BTG4: variants seen among roughly 807,000 people sequenced by gnomAD.
BTG4 encodes protein BTG4.
A neutral mutation model predicts 19.3 loss-of-function variants in BTG4; 10 were observed. The observed-to-expected ratio is 0.52, with a 90% CI of 0.32 to 0.88. The LOEUF (loss-of-function observed/expected upper bound fraction) is 0.88. Ranked by LOEUF, BTG4 falls within the 40% of genes least tolerant of loss-of-function variation. BTG4 has a pLI of 0.04. For missense variants in BTG4, 238 were observed against 281.9 expected (o/e 0.84, Z 1.11); for synonymous variants, 91 against 95.7 (o/e 0.95, Z 0.29).
chr11:111,395,395 C>T, the BTG4 span, among the ~76,000 whole-genome samples: 10 of 152,322 alleles, frequency 6.6e-5, no homozygotes, highest in East Asian at 1.9e-4. Context: ...TCCCTGCTCC[C>T]GGCAACCCCA....
At chr11:111,501,392 T>C (rs1866071484) in intron 1 of BTG4, among the ~76,000 whole-genome samples, 1 of 152,010 alleles carries the variant, frequency 6.6e-6, no homozygotes, top group Admixed American at 6.6e-5. Flanking sequence ...AAAAAACCTT[T>C]CACTAGTGAA....
the BTG4 span, among the ~76,000 whole-genome samples, chr11:111,440,939 A>G: frequency 1.3e-5 from 2 of 152,264 alleles, no homozygotes; most frequent in African/African-American, 4.8e-5. Context: ...TTAGGTACTG[A>G]GTCACATCAA....
At chr11:111,400,011 G>A in the BTG4 span, among the ~76,000 whole-genome samples, 1 of 152,132 alleles carries the variant, frequency 6.6e-6, no homozygotes, top group Non-Finnish European at 1.5e-5. Context: ...AAGCCGGGAT[G>A]GGTGAGGGTG....
chr11:111,409,234 C>T, the BTG4 span, among the ~76,000 whole-genome samples: 1 of 152,074 alleles, frequency 6.6e-6, no homozygotes, highest in Non-Finnish European at 1.5e-5. Context: ...AAGGAGCTGG[C>T]TAGGTGCTGT....
At chr11:111,488,050 A>G (rs1209012631) in intron 5 of BTG4, among the ~76,000 whole-genome samples, 4 of 152,184 alleles carry the variant, frequency 2.6e-5, no homozygotes, top group African/African-American at 9.6e-5. Context: ...TACAGATTCA[A>G]TGCAATCCCT....
At chr11:111,478,197 G>A (rs1864510777) in intron 5 of BTG4, among the ~76,000 whole-genome samples, 1 of 152,140 alleles carries the variant, frequency 6.6e-6, no homozygotes, top group African/African-American at 2.4e-5. Context: ...CAGTGATAAT[G>A]AGGCCACCCT....
intron 5 of BTG4, among the ~76,000 whole-genome samples, chr11:111,482,935 T>C (rs1477685524): frequency 3.9e-5 from 6 of 151,974 alleles, no homozygotes; most frequent in Admixed American, 6.6e-5. Flanking sequence ...TTCGACTTCA[T>C]CAAAATTAAA....
the BTG4 span, among the ~76,000 whole-genome samples, chr11:111,412,957 A>G: frequency 1.3e-5 from 2 of 152,244 alleles, no homozygotes; most frequent in Non-Finnish European, 1.5e-5. Context: ...GCAAATTTTA[A>G]GAGAGTCTTG....
the BTG4 span, among the ~76,000 whole-genome samples, chr11:111,425,675 A>G: frequency 2.0e-5 from 3 of 152,220 alleles, no homozygotes; most frequent in African/African-American, 7.2e-5. Context: ...GTATGAATGC[A>G]AGAGATACTA....
chr11:111,436,975 G>A, the BTG4 span, among the ~76,000 whole-genome samples: 1 of 152,212 alleles, frequency 6.6e-6, no homozygotes, highest in Non-Finnish European at 1.5e-5. Context: ...AGCAGACGCT[G>A]CAGGGCAGAA....
At chr11:111,405,781 G>A in the BTG4 span, among the ~76,000 whole-genome samples, 1 of 152,210 alleles carries the variant, frequency 6.6e-6, no homozygotes, top group Non-Finnish European at 1.5e-5. Context: ...TGCTAGCTGT[G>A]TGACTTTGGA....
At chr11:111,491,232 G>A (rs1404476251), downstream of BTG4, among the ~76,000 whole-genome samples, 1 of 152,214 alleles carries the variant, frequency 6.6e-6, no homozygotes, top group African/African-American at 2.4e-5. Flanking sequence ...ATGGGAGTCG[G>A]AGGAAGTGTG....
chr11:111,453,305 C>T, the BTG4 span: 1 of 352,562 alleles, frequency 2.8e-6, no homozygotes, highest in African/African-American at 2.1e-5. Flanking sequence ...GAGGTGCTCC[C>T]TAACCACGGT....
chr11:111,401,422 C>T, the BTG4 span, among the ~76,000 whole-genome samples: 7 of 150,900 alleles, frequency 4.6e-5, no homozygotes, highest in Non-Finnish European at 7.4e-5. Flanking sequence ...ACAGAGCTTG[C>T]AGTGAGCCGA....
the BTG4 span, among the ~76,000 whole-genome samples, chr11:111,388,335 GTT>G: frequency 7.1e-6 from 1 of 141,380 alleles, no homozygotes; most frequent in African/African-American, 2.6e-5. Flanking sequence ...GGAGGTGTGT[GTT>G]TTTTTTTTTT....
At chr11:111,402,009 G>T in the BTG4 span, among the ~76,000 whole-genome samples, 26 of 152,018 alleles carry the variant, frequency 1.7e-4, no homozygotes, top group Admixed American at 3.3e-4. Context: ...GATAGCTTTG[G>T]CTCTGTGTCT....
chr11:111,471,462 T>C (rs1002039426), intron 5 of BTG4, among the ~76,000 whole-genome samples: 1 of 152,198 alleles, frequency 6.6e-6, no homozygotes, highest in Non-Finnish European at 1.5e-5. Context: ...TTGACATATC[T>C]GACCATATTC....
At chr11:111,453,041 G>T in the BTG4 span, among the ~76,000 whole-genome samples, 1 of 152,160 alleles carries the variant, frequency 6.6e-6, no homozygotes, top group South Asian at 2.1e-4. Flanking sequence ...ACCAAACGGG[G>T]TTTCCCATGA....
chr11:111,466,177 C>T (rs1329123689), downstream of BTG4, among the ~76,000 whole-genome samples: 2 of 152,242 alleles, frequency 1.3e-5, no homozygotes, highest in East Asian at 3.9e-4. Context: ...AGTTCAGTGA[C>T]TTTCTTGGGG....
Sources: allele counts gnomAD v4.1 joint callset (sites outside exome capture counted in the v4.1 genomes callset), GRCh38; gene constraint gnomAD v4.1.1; transcripts MANE v1.5; gene names NCBI Gene and HGNC (gene_info 2026-07-23, HGNC 2026-07-21).